Variants in TSTD2 observed in about 807,000 individuals in gnomAD.
The protein encoded by TSTD2 is thiosulfate sulfurtransferase/rhodanese-like domain-containing protein 2.
Under a neutral mutation model 47.9 loss-of-function variants are expected in TSTD2, and 37 were observed. The observed-to-expected ratio is 0.77, with a 90% CI of 0.59 to 1.02. The LOEUF is 1.02. Ranked by LOEUF, TSTD2 falls within the 50% of genes least tolerant of loss-of-function variation. The probability of loss-of-function intolerance (pLI) is 0.00; values close to 1 mark genes in which losing one functional copy is unlikely to be tolerated. For missense variants in TSTD2, 586 were observed against 616.0 expected, an observed-to-expected ratio of 0.95 and a Z score of 0.52; for synonymous variants, 201 against 215.9, an observed-to-expected ratio of 0.93 and a Z score of 0.61.
chr9:97,625,339 G>A (rs1448942477), intron 3 of TSTD2, among the ~76,000 whole-genome samples: 1 of 152,128 alleles, frequency 6.6e-6, no homozygotes, highest in African/African-American at 2.4e-5. Flanking sequence ...ATGGATATTT[G>A]CAGTTGTTTC....
chr9:97,612,060 T>C (rs1826469686), intron 4 of TSTD2, among the ~76,000 whole-genome samples: 1 of 152,196 alleles, frequency 6.6e-6, no homozygotes, highest in Non-Finnish European at 1.5e-5. Context: ...TTCCCCTCTA[T>C]GTGTCCACGT....
chr9:97,628,897 T>G (rs1444536126), intron 1 of TSTD2, among the ~76,000 whole-genome samples: 1 of 152,116 alleles, frequency 6.6e-6, no homozygotes, highest in African/African-American at 2.4e-5. Context: ...ACAGCCAGCA[T>G]CAACCACTAG....
At position 97,602,500 on chromosome 9, in the gene TSTD2, T is replaced by C; in HGVS notation, c.1520A>G (p.Asp507Gly). ...RQPVSPEPGP[D>G]ADEDGPVLM ...AAGCACTGGCCCATCCTCATCAGCA[T>C]CAGGCCCTGGCTCTGGGCTCACAGG... is the stretch of plus-strand genomic sequence containing the variant. The change falls in exon 10 of 10, where the codon GAT (aspartate) becomes GGT (glycine). Residue 507 changes from aspartate (D) to glycine (G), a missense_variant. Physicochemically the swap from Asp to Gly is moderately conservative, Grantham distance 94. Transcript: ENST00000341170. 4 of 1,613,160 alleles carry C rather than the reference T, an allele frequency of 2.5e-6. No individual in the cohort carries two copies. Among genetic ancestry groups the C allele is most frequent in the Non-Finnish European group, 3.4e-6 (4 of 1,179,470 alleles).
chr9:97,601,105 A>G lies in TSTD2; in HGVS notation c.*1364T>C. 8 of 1,304,304 alleles carry G rather than the reference A, an allele frequency of 6.1e-6. No individual in the cohort carries two copies. The highest frequency in any genetic ancestry group is 8.1e-6 in the Non-Finnish European group (8 of 988,954). The allele number at this position is 1,304,304 out of a possible 1,614,324, so 80.8% of individuals were successfully genotyped here. A position where few individuals can be genotyped will look rare whatever the true frequency, so the allele number is the denominator to read the frequency against. ...GGGGCCAGGGCCTCAGCGCTATGGA[A>G]GAGTGTCCACTGAGGCTGCACATGG... On this transcript the variant is annotated 3_prime_UTR_variant, in exon 10 of 10. Transcript: ENST00000341170.
chr9:97,602,475 A>G lies in TSTD2; in HGVS notation c.1545T>C (p.Leu515=). Residue 515 remains leucine (L), a synonymous_variant, in exon 10 of 10, where the codon CTT becomes CTC. Coordinates refer to ENST00000341170, the MANE Select transcript of TSTD2 (RefSeq NM_139246.5). ...GPDADEDGPV[L]M ...AAAATGCCAAAGGTGCTGCTCACAT[A>G]AGCACTGGCCCATCCTCATCAGCAT... The G allele has an allele frequency of 1.2e-6, 2 of 1,603,676 alleles. 1 individual carries two copies.
intron 1 of TSTD2, among the ~76,000 whole-genome samples, chr9:97,629,710 C>T (rs1336283268): frequency 6.6e-6 from 1 of 152,192 alleles, no homozygotes; most frequent in Non-Finnish European, 1.5e-5. Flanking sequence ...CCTCCATGCT[C>T]AAAGCTGTTT....
At chr9:97,617,649 T>C (rs1826568391) in intron 4 of TSTD2, 108 bp downstream of exon 4, 5 of 1,384,184 alleles carry the variant, frequency 3.6e-6, no homozygotes, top group Admixed American at 5.4e-5. Flanking sequence ...TCCCTAACTT[T>C]TAAGAACTCA....
At chr9:97,624,736 C>T (rs992632121) in intron 3 of TSTD2, among the ~76,000 whole-genome samples, 2 of 150,826 alleles carry the variant, frequency 1.3e-5, no homozygotes, top group African/African-American at 4.9e-5. Context: ...GTTTGAAAGA[C>T]TCCAGAAAAA....
At chr9:97,619,825 CT>C (rs1263202605) in intron 3 of TSTD2, among the ~76,000 whole-genome samples, 1 of 152,132 alleles carries the variant, frequency 6.6e-6, no homozygotes, top group Non-Finnish European at 1.5e-5. Context: ...TCAACTGCCC[CT>C]AATCCTTGGA....
At chr9:97,625,623 C>A in intron 3 of TSTD2, 58 bp downstream of exon 3, 1 of 1,496,512 alleles carries the variant, frequency 6.7e-7, no homozygotes, top group South Asian at 1.3e-5. Context: ...ATTGTAGTAT[C>A]TCATTGTGGT....
At position 97,602,220 on chromosome 9, in the gene TSTD2, A is replaced by G; in HGVS notation, c.*249T>C. ...CCAGGCTCAGGCTCTATCCCTCAGC[A>G]GCTTTGGGATCCCATGCAGCTCACC... On this transcript the variant is annotated 3_prime_UTR_variant, in exon 10 of 10. Transcript: ENST00000341170. The G allele has an allele frequency of 2.1e-6, 1 of 487,010 alleles. No individual in the cohort carries two copies. Among genetic ancestry groups the G allele is most frequent in the Admixed American group, 3.9e-5 (1 of 25,780 alleles). 30.2% of individuals were successfully genotyped at this position (487,010 alleles called of 1,614,324 possible).
Position 97,617,457 on chromosome 9 carries a change from T to C in TSTD2, c.603+300A>G, listed in dbSNP as rs73656843. On this transcript the variant is annotated intron_variant, in intron 4 of 9. Transcript: ENST00000341170. The stretch of plus-strand genomic sequence containing the variant: ...ACAGCCATCCAATTCTTTTACATTA[T>C]TATCTATAGTTGCTCTCATGCTATA... Among the ~76,000 whole-genome samples, 773 of 152,378 alleles carry C rather than the reference T, an allele frequency of 5.1e-3. 4 individuals carry two copies. The highest frequency in any genetic ancestry group is 0.018 in the African/African-American group (740 of 41,588).
rs1339591838 is a variant in TSTD2, at chr9:97,601,452, T to G, written c.*1017A>C. On this transcript the variant is annotated 3_prime_UTR_variant, in exon 10 of 10. Coordinates refer to ENST00000341170, the MANE Select transcript of TSTD2 (RefSeq NM_139246.5). Reference sequence around the variant, plus strand: ...GCTCCCAGAGAGAACATTTAAAAGCTCAGAGAGTAAGTGCTGGGGAAAGCA... The same window carrying G: ...GCTCCCAGAGAGAACATTTAAAAGCGCAGAGAGTAAGTGCTGGGGAAAGCA... The G allele has an allele frequency of 9.8e-7, 1 of 1,016,198 alleles. No individual in the cohort carries two copies. Among genetic ancestry groups the G allele is most frequent in the Non-Finnish European group, 1.2e-6 (1 of 848,016 alleles). The allele number at this position is 1,016,198 out of a possible 1,614,324, so 62.9% of individuals were successfully genotyped here.
chr9:97,601,905 T>A lies in TSTD2; in HGVS notation c.*564A>T, dbSNP rs558070348. Reference sequence around the variant, plus strand: ...GCCCACTGTGGGACTTGAGTATGCATTGGGTTTTTGTATACTCAGGCGTTC... The same window carrying A: ...GCCCACTGTGGGACTTGAGTATGCAATGGGTTTTTGTATACTCAGGCGTTC... On this transcript the variant is annotated 3_prime_UTR_variant, in exon 10 of 10. Transcript: ENST00000341170. The A allele has an allele frequency of 6.6e-6, 1 of 152,476 alleles. No homozygotes were observed. The highest frequency in any genetic ancestry group is 2.4e-5 in the African/African-American group (1 of 41,442). The allele number at this position is 152,476 out of a possible 1,614,324, so 9.4% of individuals were successfully genotyped here.
chr9:97,625,659 A>G, intron 3 of TSTD2, 22 bp downstream of exon 3: 1 of 1,582,854 alleles, frequency 6.3e-7, no homozygotes, highest in East Asian at 2.2e-5. Flanking sequence ...AATCAAACCA[A>G]AATACAGAAT....
intron 5 of TSTD2, among the ~76,000 whole-genome samples, chr9:97,611,290 A>G (rs1460676646): frequency 6.6e-6 from 1 of 152,050 alleles, no homozygotes; most frequent in Non-Finnish European, 1.5e-5. Flanking sequence ...TTAGCCAGAC[A>G]TGGTGATGCA....
chr9:97,611,809 G>A, intron 4 of TSTD2, 110 bp from the exon 5 acceptor site: 1 of 1,122,394 alleles, frequency 8.9e-7, no homozygotes, highest in South Asian at 1.7e-5. Context: ...GAAAAGCAGA[G>A]ACGCTGATGA....
At chr9:97,609,473 G>T (rs1267490692) in intron 6 of TSTD2, among the ~76,000 whole-genome samples, 1 of 152,192 alleles carries the variant, frequency 6.6e-6, no homozygotes, top group Non-Finnish European at 1.5e-5. Context: ...TCTATAGGTT[G>T]AAAGACACTT....
rs1826708334 is a variant in TSTD2, at chr9:97,625,766, G to A, written c.397C>T (p.Pro133Ser). The change falls in exon 3 of 10, where the codon CCT (proline) becomes TCT (serine). Residue 133 changes from proline (P) to serine (S), a missense_variant. By Grantham distance (74) the Pro-to-Ser change is moderately conservative. Transcript: ENST00000341170. ...CTATGTGGAAGGCACTCTTTTAAAG[G>A]GTTCTTTTCATCTGCAGACGAAAGA... ...KSLSSADEKN[P>S]LKECLPHSHD... is the part of the protein sequence containing the mutation. 1 of 1,614,100 alleles carries A rather than the reference G, an allele frequency of 6.2e-7. No homozygotes were observed. Among genetic ancestry groups the A allele is most frequent in the Non-Finnish European group, 8.5e-7 (1 of 1,179,970 alleles).
Sources: allele counts gnomAD v4.1 joint callset (sites outside exome capture counted in the v4.1 genomes callset), GRCh38; gene constraint gnomAD v4.1.1; transcripts MANE v1.5; gene names NCBI Gene and HGNC (gene_info 2026-07-23, HGNC 2026-07-21).